The following PPP1R12B variants were observed in gnomAD, a reference collection of about 807,000 sequenced individuals.
The protein encoded by PPP1R12B is protein phosphatase 1 regulatory subunit 12B.
A neutral mutation model predicts 126.1 loss-of-function variants in PPP1R12B; 76 were observed. The ratio of observed to expected loss-of-function variants is 0.60; its 90% CI spans 0.50 to 0.73. PPP1R12B has a LOEUF of 0.73. PPP1R12B is among the 30% of genes least tolerant of loss of function. PPP1R12B has a pLI of 0.00. For missense variants in PPP1R12B, 1,052 were observed against 1,205.1 expected, an observed-to-expected ratio of 0.87 and a Z score of 1.88; for synonymous variants, 356 against 434.7, an observed-to-expected ratio of 0.82 and a Z score of 2.25.
chr1:202,450,223 A>G (rs1672772520), intron 13 of PPP1R12B, among the ~76,000 whole-genome samples: 1 of 152,246 alleles, frequency 6.6e-6, no homozygotes, highest in African/African-American at 2.4e-5. Context: ...AGAATACCAG[A>G]AAAAGAAATG....
At chr1:202,511,625 A>T (rs1681520969) in intron 18 of PPP1R12B, among the ~76,000 whole-genome samples, 1 of 152,062 alleles carries the variant, frequency 6.6e-6, no homozygotes, top group African/African-American at 2.4e-5. Context: ...TCCCACTTTC[A>T]AGTGAGAACA....
chr1:202,547,038 CAA>C (rs35948777), intron 18 of PPP1R12B, among the ~76,000 whole-genome samples: 62,098 of 151,832 alleles, frequency 0.41, 14,659 homozygotes, highest in East Asian at 0.7. Context: ...TTTCAGTTCT[CAA>C]AGGATTCAGA....
At chr1:202,372,809 AAAAAG>A (rs1360947353) in intron 1 of PPP1R12B, among the ~76,000 whole-genome samples, 4 of 152,196 alleles carry the variant, frequency 2.6e-5, no homozygotes, top group Non-Finnish European at 5.9e-5. Flanking sequence ...AAATAAAAGA[AAAAAG>A]AAAAGCAGTT....
chr1:202,530,340 G>A (rs1249217697), intron 18 of PPP1R12B, among the ~76,000 whole-genome samples: 8 of 151,968 alleles, frequency 5.3e-5, no homozygotes, highest in Admixed American at 1.3e-4. Context: ...TCCCCTCCCC[G>A]TGACAAACCT....
At chr1:202,394,293 A>G (rs1664594497) in intron 1 of PPP1R12B, among the ~76,000 whole-genome samples, 1 of 152,204 alleles carries the variant, frequency 6.6e-6, no homozygotes, top group African/African-American at 2.4e-5. Context: ...CGACACAGCG[A>G]GACTCCATCT....
chr1:202,567,135 C>A (rs190740742), intron 21 of PPP1R12B, among the ~76,000 whole-genome samples: 66 of 152,226 alleles, frequency 4.3e-4, no homozygotes, highest in African/African-American at 1.6e-3. Flanking sequence ...ATAAAATTAC[C>A]TTATCTGGAA....
chr1:202,521,638 A>G (rs1298150713), intron 18 of PPP1R12B, among the ~76,000 whole-genome samples: 1 of 152,208 alleles, frequency 6.6e-6, no homozygotes, highest in African/African-American at 2.4e-5. Context: ...GAATTAGGAA[A>G]TAGAACTGAG....
intron 8 of PPP1R12B, among the ~76,000 whole-genome samples, 179 bp downstream of exon 8, chr1:202,431,798 A>G (rs1377604826): frequency 6.6e-6 from 1 of 152,212 alleles, no homozygotes; most frequent in Non-Finnish European, 1.5e-5. Context: ...GCTATGTTAG[A>G]CTATATCTAC....
At chr1:202,412,123 T>A (rs1258552641) in intron 1 of PPP1R12B, among the ~76,000 whole-genome samples, 2 of 152,216 alleles carry the variant, frequency 1.3e-5, no homozygotes, top group Non-Finnish European at 2.9e-5. Context: ...TTCTTGTTGT[T>A]CTGTCAAACT....
intron 13 of PPP1R12B, among the ~76,000 whole-genome samples, chr1:202,484,117 A>C (rs1677762106): frequency 6.6e-6 from 1 of 152,150 alleles, no homozygotes; most frequent in South Asian, 2.1e-4. Context: ...TAAGGCTATT[A>C]TTGATAAAGA....
intron 13 of PPP1R12B, among the ~76,000 whole-genome samples, chr1:202,460,329 T>C (rs1210085123): frequency 6.6e-6 from 1 of 152,254 alleles, no homozygotes; most frequent in East Asian, 1.9e-4. Flanking sequence ...ACCACACTTA[T>C]GGACCTTCTT....
chr1:202,514,292 C>T (rs951932708), intron 18 of PPP1R12B, among the ~76,000 whole-genome samples: 3 of 151,828 alleles, frequency 2.0e-5, no homozygotes, highest in African/African-American at 7.3e-5. Context: ...TTGTTTTTCT[C>T]TTGTAAATTT....
At chr1:202,452,048 C>T (rs1204427325) in intron 13 of PPP1R12B, among the ~76,000 whole-genome samples, 4 of 150,630 alleles carry the variant, frequency 2.7e-5, no homozygotes, top group African/African-American at 7.3e-5. Flanking sequence ...CGGGCAGAGG[C>T]GCTCCTCACA....
intron 18 of PPP1R12B, among the ~76,000 whole-genome samples, chr1:202,522,018 C>A (rs866743483): frequency 6.6e-5 from 10 of 152,148 alleles, no homozygotes; most frequent in Admixed American, 1.3e-4. Flanking sequence ...GCTTTGGCAA[C>A]AGTAGATACC....
intron 13 of PPP1R12B, among the ~76,000 whole-genome samples, chr1:202,475,692 A>T (rs1376949421): frequency 1.3e-5 from 2 of 152,110 alleles, no homozygotes; most frequent in Non-Finnish European, 2.9e-5. Flanking sequence ...ATAGGAATAC[A>T]TTTTTTGTGT....
chr1:202,413,116 C>T (rs1269445514), intron 1 of PPP1R12B, among the ~76,000 whole-genome samples: 6 of 151,640 alleles, frequency 4.0e-5, no homozygotes, highest in African/African-American at 1.2e-4. Context: ...CTATAAAAGT[C>T]AGATTGGCCA....
At chr1:202,397,396 A>G (rs1665144534) in intron 1 of PPP1R12B, among the ~76,000 whole-genome samples, 1 of 152,004 alleles carries the variant, frequency 6.6e-6, no homozygotes, top group Non-Finnish European at 1.5e-5. Flanking sequence ...CCTTTCCTAC[A>G]TGGTTTTTAA....
intron 1 of PPP1R12B, among the ~76,000 whole-genome samples, chr1:202,374,493 CTTTTTTTTTT>C (rs1160730172): frequency 1.1e-5 from 1 of 89,506 alleles, no homozygotes; most frequent in Admixed American, 1.7e-4. Context: ...TTGTCTCTCT[CTTTTTTTTTT>C]TTTTTTTTTT....
intron 1 of PPP1R12B, chr1:202,410,078 C>T (rs1381047564): frequency 6.6e-6 from 1 of 152,042 alleles, no homozygotes; most frequent in Non-Finnish European, 1.5e-5. Context: ...AATTTAAAAA[C>T]TTTATTATGT....
Sources: gnomAD v4.1 joint callset for allele counts (sites outside exome capture counted in the v4.1 genomes callset) on GRCh38, gnomAD v4.1.1 for gene constraint, MANE v1.5 for transcripts, NCBI Gene and HGNC (gene_info 2026-07-23, HGNC 2026-07-21) for gene names.